CERS6: variants seen among roughly 807,000 people sequenced by gnomAD.
CERS6 encodes the protein ceramide synthase 6, also known as LAG1 homolog, ceramide synthase 6.
Under a neutral mutation model 56.8 loss-of-function variants are expected in CERS6, and 26 were observed. The ratio of observed to expected loss-of-function variants is 0.46; its 90% CI spans 0.34 to 0.63. The LOEUF (loss-of-function observed/expected upper bound fraction) is 0.63, where lower values mean the gene tolerates loss of function less well. Ranked by LOEUF, CERS6 falls within the 30% of genes least tolerant of loss-of-function variation. The pLI is 0.01. For missense variants in CERS6, 415 were observed against 467.5 expected (o/e 0.89, Z 1.04); for synonymous variants, 164 against 173.3 (o/e 0.95, Z 0.42).
At chr2:168,517,515 A>G (rs202036609) in intron 1 of CERS6, among the ~76,000 whole-genome samples, 4 of 150,382 alleles carry the variant, frequency 2.7e-5, no homozygotes, top group Non-Finnish European at 5.9e-5. Context: ...ATAAATAAAT[A>G]AATAAATAAT....
intron 8 of CERS6, among the ~76,000 whole-genome samples, chr2:168,741,379 A>ATT (rs1683900501): frequency 1.4e-5 from 2 of 143,304 alleles, no homozygotes; most frequent in Non-Finnish European, 3.0e-5. Flanking sequence ...GAATTAAAAA[A>ATT]AAAAAAAAAA....
chr2:168,769,438 A>G (rs1040290041), intron 9 of CERS6, 72 bp from the exon 10 acceptor site: 4 of 1,346,136 alleles, frequency 3.0e-6, no homozygotes, highest in Admixed American at 2.8e-5. Flanking sequence ...GTATGACTGC[A>G]TGTGCTTCTA....
intron 1 of CERS6, among the ~76,000 whole-genome samples, chr2:168,510,140 G>T (rs1574032474): frequency 6.7e-6 from 1 of 149,120 alleles, no homozygotes; most frequent in Non-Finnish European, 1.5e-5. Flanking sequence ...TTAGATTCTT[G>T]CAAAGCCTAG....
intron 3 of CERS6, among the ~76,000 whole-genome samples, chr2:168,618,853 C>A (rs1299178592): frequency 6.6e-6 from 1 of 152,160 alleles, no homozygotes; most frequent in Non-Finnish European, 1.5e-5. Context: ...ATACTACCAT[C>A]ATTCTTAACA....
intron 8 of CERS6, among the ~76,000 whole-genome samples, chr2:168,744,226 C>G (rs1397804557): frequency 6.6e-6 from 1 of 151,980 alleles, no homozygotes; most frequent in African/African-American, 2.4e-5. Context: ...AGGATGGTCT[C>G]TATCTCCTGA....
intron 1 of CERS6, among the ~76,000 whole-genome samples, chr2:168,482,709 G>A (rs969315545): frequency 9.9e-5 from 15 of 152,226 alleles, no homozygotes; most frequent in Admixed American, 1.3e-4. Context: ...GGAGCTGAAG[G>A]CAGTTTTTCA....
intron 4 of CERS6, among the ~76,000 whole-genome samples, chr2:168,654,572 A>G (rs1424027006): frequency 6.6e-6 from 1 of 152,144 alleles, no homozygotes; most frequent in Non-Finnish European, 1.5e-5. Context: ...AAAAAACCCA[A>G]AAATGTATAC....
intron 1 of CERS6, among the ~76,000 whole-genome samples, chr2:168,469,874 C>T (rs1693945504): frequency 6.6e-6 from 1 of 152,090 alleles, no homozygotes; most frequent in South Asian, 2.1e-4. Flanking sequence ...ACTACTCCAC[C>T]TCCCACTTTG....
At chr2:168,472,605 A>G (rs1240901051) in intron 1 of CERS6, among the ~76,000 whole-genome samples, 1 of 152,224 alleles carries the variant, frequency 6.6e-6, no homozygotes, top group Non-Finnish European at 1.5e-5. Context: ...AGGAATGGGA[A>G]GAGGATGTCA....
chr2:168,472,238 T>G (rs1026238818), intron 1 of CERS6, among the ~76,000 whole-genome samples: 1 of 152,214 alleles, frequency 6.6e-6, no homozygotes, highest in African/African-American at 2.4e-5. Flanking sequence ...GAAACACGCA[T>G]AAAAGTATAC....
At position 168,643,207 on chromosome 2, in the gene CERS6, A is replaced by C. The variant is rs530145795; in HGVS notation, c.465+12165A>C. On this transcript the variant is annotated intron_variant, in intron 4 of 9. Transcript: ENST00000305747. ...AATTTTTACTTAAGCTAGTACTTGA[A>C]GCTATAAAGAAATTGATAAAGTGAT... Among the ~76,000 whole-genome samples, 3 of 132,886 alleles carry C rather than the reference A, an allele frequency of 2.3e-5. No homozygotes were observed. The East Asian group carries it at 6.5e-4, about 29-fold the overall frequency. 87.2% of individuals were successfully genotyped at this position (132,886 alleles called of 152,430 possible). A position where few individuals can be genotyped will look rare whatever the true frequency, so the allele number is the denominator to read the frequency against.
intron 1 of CERS6, among the ~76,000 whole-genome samples, chr2:168,485,706 TC>T (rs1694263911): frequency 6.6e-6 from 1 of 152,218 alleles, no homozygotes; most frequent in African/African-American, 2.4e-5. Flanking sequence ...TGAGTAATAT[TC>T]CACCTTATAG....
intron 1 of CERS6, among the ~76,000 whole-genome samples, chr2:168,473,081 G>C (rs1445351346): frequency 6.6e-6 from 1 of 151,778 alleles, no homozygotes; most frequent in Non-Finnish European, 1.5e-5. Context: ...TCTATCTTTT[G>C]TTCCTTTTAT....
intron 4 of CERS6, among the ~76,000 whole-genome samples, chr2:168,690,342 A>C (rs895709926): frequency 2.0e-5 from 3 of 152,180 alleles, no homozygotes; most frequent in African/African-American, 4.8e-5. Context: ...CTTATTGGAT[A>C]ATTCGGCTGT....
intron 1 of CERS6, among the ~76,000 whole-genome samples, chr2:168,475,333 G>A (rs181320637): frequency 1.5e-4 from 23 of 152,056 alleles, no homozygotes; most frequent in African/African-American, 4.1e-4. Context: ...CTATTATGAC[G>A]CATCACCAAT....
intron 1 of CERS6, among the ~76,000 whole-genome samples, chr2:168,528,213 T>C (rs920701865): frequency 6.6e-6 from 1 of 152,240 alleles, no homozygotes; most frequent in Non-Finnish European, 1.5e-5. Flanking sequence ...GAAGGTAGTT[T>C]CACTGCCCTA....
chr2:168,627,174 T>G (rs1684609481), intron 3 of CERS6, among the ~76,000 whole-genome samples: 1 of 152,222 alleles, frequency 6.6e-6, no homozygotes, highest in African/African-American at 2.4e-5. Context: ...CTCGTTTTCA[T>G]TAATCTAAGA....
intron 4 of CERS6, among the ~76,000 whole-genome samples, chr2:168,636,807 G>A (rs1316613803): frequency 6.6e-6 from 1 of 151,976 alleles, no homozygotes; most frequent in Non-Finnish European, 1.5e-5. Flanking sequence ...TTCCTTCTGT[G>A]TTGGCTTGTG....
intron 3 of CERS6, among the ~76,000 whole-genome samples, chr2:168,616,317 A>G (rs1559021884): frequency 6.6e-6 from 1 of 151,320 alleles, no homozygotes; most frequent in African/African-American, 2.4e-5. Context: ...ACAATTTAGG[A>G]AAAAAAAATA....
Sources: allele counts gnomAD v4.1 joint callset (sites outside exome capture counted in the v4.1 genomes callset), GRCh38; gene constraint gnomAD v4.1.1; transcripts MANE v1.5; gene names NCBI Gene and HGNC (gene_info 2026-07-23, HGNC 2026-07-21).